Variants in SCNN1B observed in about 807,000 individuals in gnomAD.
SCNN1B encodes sodium channel epithelial 1 subunit beta.
Under a neutral mutation model 65.3 loss-of-function variants are expected in SCNN1B, and 46 were observed. The ratio of observed to expected loss-of-function variants is 0.70; its 90% CI spans 0.56 to 0.90. The LOEUF (loss-of-function observed/expected upper bound fraction) is 0.90. Among genes scored for constraint, SCNN1B ranks in the 40% least tolerant of loss-of-function variants. The pLI is 0.00. For missense variants in SCNN1B, 751 were observed against 830.5 expected, an observed-to-expected ratio of 0.90 and a Z score of 1.18; for synonymous variants, 349 against 330.6, an observed-to-expected ratio of 1.06 and a Z score of -0.60.
chr16:23,314,999 G>T (rs1258611967), intron 1 of SCNN1B, among the ~76,000 whole-genome samples: 1 of 152,160 alleles, frequency 6.6e-6, no homozygotes, highest in African/African-American at 2.4e-5. Flanking sequence ...TCAGAGGTTG[G>T]CAGGAAATGG....
At chr16:23,356,528 G>A (rs1364735174) in intron 4 of SCNN1B, among the ~76,000 whole-genome samples, 1 of 151,970 alleles carries the variant, frequency 6.6e-6, no homozygotes, top group Admixed American at 6.6e-5. Context: ...GGAGGCTGAG[G>A]AGGGAGGATC....
intron 1 of SCNN1B, among the ~76,000 whole-genome samples, chr16:23,345,975 C>G (rs1255784032): frequency 2.0e-5 from 3 of 152,104 alleles, no homozygotes; most frequent in African/African-American, 7.2e-5. Flanking sequence ...TGCTCTGTGT[C>G]CAGAGAGAAG....
At position 23,378,689 on chromosome 16, in the gene SCNN1B, A is replaced by G. The variant is rs761616593; in HGVS notation, c.1405-17A>G. ...GCTGCAGATGGCAACTTTTGCAACC[A>G]CCTTCTTGGGTTCCAGGACTGGATT... On this transcript the variant is annotated splice_polypyrimidine_tract_variant and intron_variant, in intron 10 of 12. Coordinates refer to ENST00000343070, the MANE Select transcript of SCNN1B (RefSeq NM_000336.3). 1.9e-6 allele frequency: 3 copies of G among 1,613,966 alleles called. No homozygotes were observed. The South Asian group carries it at 3.3e-5, about 18-fold the overall frequency.
chr16:23,307,278 G>T (rs1961239173), intron 1 of SCNN1B, among the ~76,000 whole-genome samples: 2 of 150,252 alleles, frequency 1.3e-5, no homozygotes, highest in South Asian at 4.2e-4. Context: ...ATTTTGACTG[G>T]AATGAAGCCT....
At chr16:23,303,296 T>C (rs1444142254) in intron 1 of SCNN1B, among the ~76,000 whole-genome samples, 1 of 151,752 alleles carries the variant, frequency 6.6e-6, no homozygotes, top group African/African-American at 2.4e-5. Context: ...CACCAGGGAG[T>C]AGGGGCAGAA....
chr16:23,359,643 A>G (rs556733656), intron 4 of SCNN1B, among the ~76,000 whole-genome samples: 1 of 152,106 alleles, frequency 6.6e-6, no homozygotes, highest in East Asian at 1.9e-4. Flanking sequence ...CCCTCCTAAC[A>G]TGACAAACAC....
intron 2 of SCNN1B, among the ~76,000 whole-genome samples, chr16:23,293,851 G>T (rs1389874242): frequency 6.6e-6 from 1 of 152,104 alleles, no homozygotes; most frequent in Non-Finnish European, 1.5e-5. Context: ...TTGAGCCTAG[G>T]AGGTGGAGGC....
At chr16:23,313,941 G>A (rs983646108) in intron 1 of SCNN1B, among the ~76,000 whole-genome samples, 106 of 152,112 alleles carry the variant, frequency 7.0e-4, no homozygotes, top group African/African-American at 1.9e-3. Flanking sequence ...TACATGCCAG[G>A]CATGTGCATT....
intron 1 of SCNN1B, among the ~76,000 whole-genome samples, chr16:23,342,695 A>G (rs146285288): frequency 1.3e-5 from 2 of 152,324 alleles, no homozygotes; most frequent in African/African-American, 4.8e-5. Flanking sequence ...GTGTTTTAAG[A>G]AAGTTTATGA....
intron 4 of SCNN1B, among the ~76,000 whole-genome samples, chr16:23,363,791 G>A (rs574591001): frequency 6.6e-6 from 1 of 151,976 alleles, no homozygotes; most frequent in South Asian, 2.1e-4. Context: ...TCCAGCCTGG[G>A]CAACAGAGTG....
chr16:23,375,990 G>A (rs974385791), intron 8 of SCNN1B, 135 bp downstream of exon 8: 1 of 664,462 alleles, frequency 1.5e-6, no homozygotes, highest in Admixed American at 2.2e-5. Context: ...CACAGTCTGA[G>A]GTCCCTCCTA....
chr16:23,338,699 A>G (rs989780448), intron 1 of SCNN1B, among the ~76,000 whole-genome samples: 2 of 152,188 alleles, frequency 1.3e-5, no homozygotes, highest in Non-Finnish European at 2.9e-5. Flanking sequence ...CTGGGAACAC[A>G]CTACCCATCC....
intron 1 of SCNN1B, among the ~76,000 whole-genome samples, chr16:23,340,768 G>A (rs769292629): frequency 1.6e-4 from 25 of 152,066 alleles, no homozygotes; most frequent in Non-Finnish European, 3.1e-4. Context: ...TCCAATGATC[G>A]GTAGATCTAT....
At chr16:23,352,027 G>T (rs915679475) in intron 2 of SCNN1B, among the ~76,000 whole-genome samples, 8 of 152,174 alleles carry the variant, frequency 5.3e-5, no homozygotes, top group African/African-American at 1.9e-4. Context: ...ATATGGGGAC[G>T]GTAACAGACT....
chr16:23,301,266 G>A (rs1170403967), upstream of SCNN1B, among the ~76,000 whole-genome samples: 1 of 151,490 alleles, frequency 6.6e-6, no homozygotes, highest in Non-Finnish European at 1.5e-5. Flanking sequence ...GGAGGCTGAG[G>A]CAGGAGAATT....
At chr16:23,336,662 G>A (rs185561357) in intron 1 of SCNN1B, among the ~76,000 whole-genome samples, 2 of 152,194 alleles carry the variant, frequency 1.3e-5, no homozygotes, top group Admixed American at 1.3e-4. Flanking sequence ...GAGCCACCAA[G>A]CCTGGCCAAG....
rs562167790 is a variant in SCNN1B at position 23,354,409 on chromosome 16, G to T, written c.586-890G>T. On this transcript the variant is annotated intron_variant, in intron 3 of 12. Coordinates refer to ENST00000343070, the MANE Select transcript of SCNN1B (RefSeq NM_000336.3). ...AATGCCAGGGGAAGCTTCTCTATCC[G>T]GCTTCCCGGGTTCCAGCAGGGAGAA... Among the ~76,000 whole-genome samples the T allele has an allele frequency of 2.6e-5, 4 of 152,358 alleles. No homozygotes were observed. The South Asian group carries it at 8.3e-4, about 32-fold the overall frequency.
At chr16:23,280,455 G>A (rs909918885) in intron 1 of SCNN1B, among the ~76,000 whole-genome samples, 1 of 152,060 alleles carries the variant, frequency 6.6e-6, no homozygotes, top group African/African-American at 2.4e-5. Context: ...CTGGGATCAA[G>A]CAATCCACCT....
chr16:23,302,620 G>A (rs1370488117), intron 1 of SCNN1B, among the ~76,000 whole-genome samples, 183 bp downstream of exon 1: 1 of 152,160 alleles, frequency 6.6e-6, no homozygotes, highest in Non-Finnish European at 1.5e-5. Context: ...GAACGGGTTG[G>A]GGGCGGAGGG....
Sources: allele counts gnomAD v4.1 joint callset (sites outside exome capture counted in the v4.1 genomes callset), GRCh38; gene constraint gnomAD v4.1.1; transcripts MANE v1.5; gene names NCBI Gene and HGNC (gene_info 2026-07-23, HGNC 2026-07-21).